Variants in PCOLCE2 observed in about 807,000 individuals in gnomAD.
PCOLCE2 encodes the protein procollagen C-proteinase enhancer 2.
A neutral mutation model predicts 47.0 loss-of-function variants in PCOLCE2; 42 were observed. The observed-to-expected ratio is 0.89, with a 90% CI of 0.70 to 1.16. The LOEUF is 1.16. PCOLCE2 is among the 50% of genes most tolerant of loss of function. The pLI is 0.00. For synonymous variants in PCOLCE2, 169 were observed against 191.7 expected (o/e 0.88, Z 0.98); for missense variants, 500 against 526.1 (o/e 0.95, Z 0.49).
At chr3:142,845,676 T>C (rs1024330432) in intron 3 of PCOLCE2, among the ~76,000 whole-genome samples, 1 of 152,174 alleles carries the variant, frequency 6.6e-6, no homozygotes, top group African/African-American at 2.4e-5. Flanking sequence ...TCCAGCGCTT[T>C]AAAAATACTG....
intron 8 of PCOLCE2, among the ~76,000 whole-genome samples, 159 bp downstream of exon 8, chr3:142,820,718 AC>A (rs1156307698): frequency 6.6e-6 from 1 of 152,212 alleles, no homozygotes; most frequent in African/African-American, 2.4e-5. Context: ...GCCACAAGTT[AC>A]AAGGACTTGG....
chr3:142,846,323 G>A (rs777486460), intron 3 of PCOLCE2, among the ~76,000 whole-genome samples: 15 of 152,120 alleles, frequency 9.9e-5, no homozygotes, highest in Non-Finnish European at 2.1e-4. Flanking sequence ...TCGGCCTCCC[G>A]AGTAGCTGGG....
At chr3:142,854,070 A>C (rs1228794423) in intron 2 of PCOLCE2, among the ~76,000 whole-genome samples, 1 of 152,178 alleles carries the variant, frequency 6.6e-6, no homozygotes, top group Non-Finnish European at 1.5e-5. Context: ...CTATGAGCAA[A>C]ATGCAAACAG....
intron 6 of PCOLCE2, among the ~76,000 whole-genome samples, chr3:142,828,929 C>A (rs1937115402): frequency 6.6e-6 from 1 of 152,332 alleles, no homozygotes; most frequent in South Asian, 2.1e-4. Flanking sequence ...GAGGCGCCTG[C>A]CTGTACTCAG....
rs116279588 is a variant in PCOLCE2, at chr3:142,854,166, C to T, written c.193-5694G>A. On this transcript the variant is annotated intron_variant, in intron 2 of 8. Transcript: ENST00000295992. ...GTCTGCAGCTTTTCCTCCCTAAACA[C>T]ATCATTTACTACTTTGATCAAAAAG... Among the ~76,000 whole-genome samples the T allele has an allele frequency of 5.7e-3, 875 of 152,176 alleles. 8 individuals are homozygous for T. Among genetic ancestry groups the T allele is most frequent in the African/African-American group, 0.02 (844 of 41,484 alleles).
chr3:142,838,992 G>T (rs1197863420), intron 4 of PCOLCE2, 86 bp from the exon 5 acceptor site: 1 of 1,054,356 alleles, frequency 9.5e-7, no homozygotes, highest in African/African-American at 1.6e-5. Context: ...CCCAGATTTG[G>T]AGGATACTAC....
At chr3:142,881,387 G>A (rs1933617181) in intron 2 of PCOLCE2, among the ~76,000 whole-genome samples, 2 of 152,034 alleles carry the variant, frequency 1.3e-5, no homozygotes, top group African/African-American at 2.4e-5. Context: ...ATATTTGAAG[G>A]TATACCAAAA....
At chr3:142,858,113 C>A (rs1933105527) in intron 2 of PCOLCE2, among the ~76,000 whole-genome samples, 1 of 152,188 alleles carries the variant, frequency 6.6e-6, no homozygotes, top group South Asian at 2.1e-4. Flanking sequence ...AATTCCTAGA[C>A]CTGGGGGGAT....
chr3:142,871,847 T>C (rs1311871551), intron 2 of PCOLCE2, among the ~76,000 whole-genome samples: 1 of 152,210 alleles, frequency 6.6e-6, no homozygotes, highest in Non-Finnish European at 1.5e-5. Context: ...AATATATACA[T>C]ACATATTTTT....
At chr3:142,872,758 T>G (rs1040778842) in intron 2 of PCOLCE2, among the ~76,000 whole-genome samples, 1 of 152,128 alleles carries the variant, frequency 6.6e-6, no homozygotes, top group Non-Finnish European at 1.5e-5. Context: ...TTCCCTCATA[T>G]TTACTCCAGG....
intron 4 of PCOLCE2, among the ~76,000 whole-genome samples, chr3:142,839,762 T>C (rs180886548): frequency 1.2e-4 from 18 of 152,350 alleles, no homozygotes; most frequent in African/African-American, 4.3e-4. Context: ...TAAATATATA[T>C]GTTGCACATA....
At chr3:142,856,814 C>A (rs1331734958) in intron 2 of PCOLCE2, among the ~76,000 whole-genome samples, 1 of 151,868 alleles carries the variant, frequency 6.6e-6, no homozygotes, top group Non-Finnish European at 1.5e-5. Context: ...GGCAAATCTT[C>A]TGAGCAAGTT....
At chr3:142,836,145 T>C (rs1025669428) in intron 5 of PCOLCE2, among the ~76,000 whole-genome samples, 87 of 152,200 alleles carry the variant, frequency 5.7e-4, no homozygotes, top group African/African-American at 2.0e-3. Flanking sequence ...TAGTGTAAAT[T>C]CTAACCCCAA....
At chr3:142,852,397 GA>G in intron 2 of PCOLCE2, among the ~76,000 whole-genome samples, 1 of 150,076 alleles carries the variant, frequency 6.7e-6, no homozygotes, top group East Asian at 1.9e-4. Context: ...GTTAAGAATA[GA>G]AAAAAAATAA....
At chr3:142,856,052 G>A (rs1400883307) in intron 2 of PCOLCE2, among the ~76,000 whole-genome samples, 1 of 152,130 alleles carries the variant, frequency 6.6e-6, no homozygotes, top group Non-Finnish European at 1.5e-5. Context: ...GTTGTTTGGG[G>A]TTCCTACAGG....
At chr3:142,846,162 G>A (rs1402616393) in intron 3 of PCOLCE2, among the ~76,000 whole-genome samples, 1 of 152,036 alleles carries the variant, frequency 6.6e-6, no homozygotes, top group African/African-American at 2.4e-5. Context: ...TATTTGTCCT[G>A]TGGAGTTTGT....
At chr3:142,859,219 T>C (rs2108202846) in intron 2 of PCOLCE2, among the ~76,000 whole-genome samples, 1 of 151,938 alleles carries the variant, frequency 6.6e-6, no homozygotes, top group East Asian at 1.9e-4. Flanking sequence ...CCCACTATCA[T>C]GACCAGCTAA....
intron 2 of PCOLCE2, 40 bp downstream of exon 2, chr3:142,887,629 C>T (rs746895811): frequency 2.0e-6 from 2 of 1,025,256 alleles, no homozygotes; most frequent in Non-Finnish European, 1.6e-6. Context: ...CTGTTGCCAA[C>T]ACCCACTTCC....
chr3:142,825,265 G>T (rs1937062768), intron 6 of PCOLCE2, among the ~76,000 whole-genome samples: 1 of 152,134 alleles, frequency 6.6e-6, no homozygotes, highest in African/African-American at 2.4e-5. Context: ...GTCTGGAAGT[G>T]GGGTGGGTGT....
Sources: allele counts gnomAD v4.1 joint callset (sites outside exome capture counted in the v4.1 genomes callset), GRCh38; gene constraint gnomAD v4.1.1; transcripts MANE v1.5; gene names NCBI Gene and HGNC (gene_info 2026-07-23, HGNC 2026-07-21).